Variants in MID1 observed in about 807,000 individuals in gnomAD.
MID1 encodes midline 1.
A neutral mutation model predicts 40.4 loss-of-function variants in MID1; 7 were observed. The observed-to-expected ratio is 0.17, with a 90% CI of 0.10 to 0.33. MID1 has a LOEUF of 0.33. Among genes scored for constraint, MID1 ranks in the 10% least tolerant of loss-of-function variants. MID1 has a pLI of 1.00. For synonymous variants in MID1, 229 were observed against 221.2 expected (o/e 1.04, Z -0.31); for missense variants, 367 against 558.5 (o/e 0.66, Z 3.46).
chrX:10,798,721 T>G (rs1274998877), intron 1 of MID1, among the ~76,000 whole-genome samples: 1 of 110,798 alleles, frequency 9.0e-6, no homozygotes, highest in Non-Finnish European at 1.9e-5. Flanking sequence ...GAAGAGAAAG[T>G]AGGAAAGAAA....
intron 3 of MID1, among the ~76,000 whole-genome samples, chrX:10,504,758 G>A (rs941092415): frequency 1.9e-5 from 2 of 107,001 alleles, no homozygotes; most frequent in African/African-American, 7.3e-5. Flanking sequence ...GCAGGAGTTG[G>A]GGGACTTTTT....
At chrX:10,644,635 A>G (rs1936242783) in intron 1 of MID1, among the ~76,000 whole-genome samples, 1 of 111,263 alleles carries the variant, frequency 9.0e-6, no homozygotes, top group Non-Finnish European at 1.9e-5. Context: ...TCTGGCCATG[A>G]AGTTCCATTG....
chrX:10,686,216 G>C (rs930004490), intron 1 of MID1, among the ~76,000 whole-genome samples: 1 of 111,294 alleles, frequency 9.0e-6, no homozygotes, highest in African/African-American at 3.3e-5. Flanking sequence ...TGGGGAAGGG[G>C]GTTTGGTGTC....
At chrX:10,476,670 G>GA (rs1366496098) in intron 5 of MID1, among the ~76,000 whole-genome samples, 1 of 111,691 alleles carries the variant, frequency 9.0e-6, no homozygotes, top group Non-Finnish European at 1.9e-5. Context: ...AGATGCAAGT[G>GA]AAGAGGTCTA....
intron 1 of MID1, among the ~76,000 whole-genome samples, chrX:10,705,514 G>A (rs755092894): frequency 3.6e-5 from 4 of 112,024 alleles, no homozygotes; most frequent in South Asian, 7.5e-4. Flanking sequence ...GAGACCATGC[G>A]CATCTTTAAC....
chrX:10,507,775 C>T (rs1219619343), intron 3 of MID1, among the ~76,000 whole-genome samples: 1 of 112,501 alleles, frequency 8.9e-6, no homozygotes, highest in Non-Finnish European at 1.9e-5. Flanking sequence ...AACAAAGAAG[C>T]AAACACTCTC....
At chrX:10,604,579 A>G (rs1335611452) in intron 1 of MID1, among the ~76,000 whole-genome samples, 2 of 112,096 alleles carry the variant, frequency 1.8e-5, no homozygotes, top group Non-Finnish European at 3.8e-5. Context: ...TTGTCAGAAA[A>G]AAAAGGGATT....
intron 3 of MID1, chrX:10,506,608 A>T (rs924603385): frequency 2.1e-6 from 1 of 481,555 alleles, no homozygotes; most frequent in Non-Finnish European, 3.7e-6. Flanking sequence ...GGGCAGAAAA[A>T]GTTCCCAGGC....
chrX:10,516,559 CTT>C (rs1491289303), intron 3 of MID1, among the ~76,000 whole-genome samples: 213 of 70,995 alleles, frequency 3.0e-3, no homozygotes, highest in African/African-American at 0.011. Flanking sequence ...ATACTCTGCT[CTT>C]GTGTGTGTGT....
chrX:10,779,536 T>A (rs1462466564), intron 1 of MID1, among the ~76,000 whole-genome samples: 1 of 112,024 alleles, frequency 8.9e-6, no homozygotes, highest in African/African-American at 3.2e-5. Context: ...AAAGGAATTG[T>A]CAGAAAAGTT....
intron 1 of MID1, among the ~76,000 whole-genome samples, chrX:10,747,278 A>C (rs1435505256): frequency 8.9e-6 from 1 of 112,123 alleles, no homozygotes; most frequent in Admixed American, 9.5e-5. Context: ...GTGAGAGCTC[A>C]TGCCGTGGCA....
intron 1 of MID1, among the ~76,000 whole-genome samples, chrX:10,612,981 G>C (rs1238867080): frequency 8.9e-6 from 1 of 111,919 alleles, no homozygotes; most frequent in Non-Finnish European, 1.9e-5. Context: ...AATGTATTTC[G>C]TACAGAAGAC....
At chrX:10,583,500 T>C (rs983299640) in intron 1 of MID1, among the ~76,000 whole-genome samples, 1 of 112,353 alleles carries the variant, frequency 8.9e-6, no homozygotes, top group African/African-American at 3.2e-5. Flanking sequence ...TAGTTTCAGA[T>C]TGCCTCAAGG....
intron 1 of MID1, among the ~76,000 whole-genome samples, chrX:10,756,948 T>C (rs2043636444): frequency 1.8e-5 from 2 of 111,644 alleles, no homozygotes; most frequent in African/African-American, 3.3e-5. Context: ...CTCACCATGT[T>C]TGAAAACCTC....
At chrX:10,683,770 CTTTTTTTT>C (rs34917176) in intron 1 of MID1, among the ~76,000 whole-genome samples, 2,947 of 44,890 alleles carry the variant, frequency 0.066, 89 homozygotes, top group African/African-American at 0.18. Flanking sequence ...TGCACGTCAT[CTTTTTTTT>C]TTTTTTTTTT....
chrX:10,626,103 C>CA (rs200843455), intron 1 of MID1, among the ~76,000 whole-genome samples: 1,293 of 109,826 alleles, frequency 0.012, 15 homozygotes, highest in African/African-American at 0.04. Context: ...AAAGAATGCA[C>CA]AAAAAAAGGA....
intron 1 of MID1, among the ~76,000 whole-genome samples, chrX:10,786,172 C>T (rs1262259748): frequency 2.7e-5 from 3 of 112,188 alleles, no homozygotes; most frequent in African/African-American, 9.7e-5. Flanking sequence ...TGAACAGACA[C>T]TTCTCAAAAG....
At chrX:10,721,368 A>G (rs1020269332) in intron 1 of MID1, among the ~76,000 whole-genome samples, 23 of 110,602 alleles carry the variant, frequency 2.1e-4, no homozygotes, top group Admixed American at 1.9e-3. Context: ...AGTAATTAAT[A>G]CAATACTGTA....
intron 1 of MID1, 21 bp from the exon 2 acceptor site, chrX:10,567,624 T>G: frequency 8.8e-7 from 1 of 1,134,771 alleles, no homozygotes; most frequent in African/African-American, 1.8e-5. Flanking sequence ...GAATGTAAGA[T>G]TTGATTAGGC....
Sources: allele counts gnomAD v4.1 joint callset (sites outside exome capture counted in the v4.1 genomes callset), GRCh38; gene constraint gnomAD v4.1.1; transcripts MANE v1.5; gene names NCBI Gene and HGNC (gene_info 2026-07-23, HGNC 2026-07-21).